MED12L: variants seen among roughly 807,000 people sequenced by gnomAD.
MED12L encodes mediator of RNA polymerase II transcription subunit 12-like protein.
In MED12L, 60 loss-of-function variants were observed where a neutral mutation model predicts 281.3. That is an observed-to-expected ratio of 0.21 (90% CI 0.17 to 0.26). The LOEUF is 0.26. MED12L is among the 10% of genes least tolerant of loss of function. The pLI, the probability that MED12L is intolerant of heterozygous loss-of-function variation, is 1.00. For synonymous variants in MED12L, 974 were observed against 987.2 expected (o/e 0.99, Z 0.25); for missense variants, 2,146 against 2,680.9 (o/e 0.80, Z 4.41).
At chr3:151,312,474 C>A (rs557357778) in intron 16 of MED12L, among the ~76,000 whole-genome samples, 2 of 152,048 alleles carry the variant, frequency 1.3e-5, no homozygotes, top group Non-Finnish European at 2.9e-5. Flanking sequence ...GGAGGCATTC[C>A]GAATCTTGAT....
At chr3:151,295,872 A>G (rs1048855752) in intron 16 of MED12L, among the ~76,000 whole-genome samples, 1 of 152,252 alleles carries the variant, frequency 6.6e-6, no homozygotes, top group African/African-American at 2.4e-5. Flanking sequence ...GGATACATAC[A>G]GATCTGACTT....
Position 151,395,256 on chromosome 3 carries a change from T to TA in MED12L, c.5820+390dup, listed in dbSNP as rs1391217739. On this transcript the variant is annotated intron_variant, in intron 39 of 44. Transcript: ENST00000687756. ...TGTGTTCATGTATTATTTTTAGACT[T>TA]ATTACTGTGAGGTTATGTCTCTGAA... Among the ~76,000 whole-genome samples the TA allele has an allele frequency of 4.6e-5, 7 of 152,182 alleles. No homozygotes were observed. The South Asian group carries it at 1.4e-3, about 31-fold the overall frequency.
At chr3:151,364,172 T>C (rs1560079723) in intron 21 of MED12L, among the ~76,000 whole-genome samples, 1 of 152,180 alleles carries the variant, frequency 6.6e-6, no homozygotes, top group South Asian at 2.1e-4. Context: ...TAAGTTTATA[T>C]AGAATCTGAG....
At chr3:151,153,717 C>T (rs1354565989) in intron 5 of MED12L, among the ~76,000 whole-genome samples, 1 of 151,744 alleles carries the variant, frequency 6.6e-6, no homozygotes, top group African/African-American at 2.4e-5. Context: ...TAAAGGCACC[C>T]ACTACCATGT....
chr3:151,335,660 G>A (rs1750883774), intron 16 of MED12L, among the ~76,000 whole-genome samples: 1 of 152,120 alleles, frequency 6.6e-6, no homozygotes, highest in African/African-American at 2.4e-5. Context: ...ATATTAATAT[G>A]CCAAAAGCTA....
At chr3:151,338,487 A>G (rs1017419525) in intron 16 of MED12L, 3 of 1,613,874 alleles carry the variant, frequency 1.9e-6, no homozygotes, top group Non-Finnish European at 1.7e-6. Flanking sequence ...GTAGCGATCG[A>G]TAGTTATCAG....
intron 16 of MED12L, among the ~76,000 whole-genome samples, chr3:151,331,522 G>A (rs1750353956): frequency 6.6e-6 from 1 of 152,186 alleles, no homozygotes; most frequent in Admixed American, 6.5e-5. Context: ...TTAGAATAAT[G>A]TCTGTCATGT....
intron 16 of MED12L, among the ~76,000 whole-genome samples, chr3:151,321,619 G>GT (rs1749009005): frequency 6.6e-6 from 1 of 152,106 alleles, no homozygotes; most frequent in African/African-American, 2.4e-5. Context: ...TTAAACTGAA[G>GT]TTCAAAAATA....
At chr3:151,358,464 G>A (rs1754205537) in intron 20 of MED12L, among the ~76,000 whole-genome samples, 1 of 152,094 alleles carries the variant, frequency 6.6e-6, no homozygotes, top group South Asian at 2.1e-4. Flanking sequence ...TTTCGAACTG[G>A]AAGCTTATTC....
intron 16 of MED12L, among the ~76,000 whole-genome samples, chr3:151,349,350 C>T (rs1752946839): frequency 6.6e-6 from 1 of 152,168 alleles, no homozygotes; most frequent in South Asian, 2.1e-4. Flanking sequence ...TTTGCATTTT[C>T]AGCTGTTTGC....
At chr3:151,168,475 G>A (rs1184903842) in intron 11 of MED12L, among the ~76,000 whole-genome samples, 1 of 152,142 alleles carries the variant, frequency 6.6e-6, no homozygotes, top group Non-Finnish European at 1.5e-5. Flanking sequence ...CCACCAGAGG[G>A]CGACATGTGC....
chr3:151,229,968 T>C (rs1731308663), intron 16 of MED12L, among the ~76,000 whole-genome samples: 2 of 152,054 alleles, frequency 1.3e-5, no homozygotes, highest in Admixed American at 1.3e-4. Flanking sequence ...TCTGTTTTTT[T>C]GTTTTTTGTT....
At chr3:151,321,354 G>T (rs1748973520) in intron 16 of MED12L, among the ~76,000 whole-genome samples, 1 of 152,052 alleles carries the variant, frequency 6.6e-6, no homozygotes. Flanking sequence ...GTCTCAGTAG[G>T]GTTACTGTGT....
In MED12L at chr3:151,258,381, C is replaced by A. The variant is rs138720696; in HGVS notation, c.2250+64715C>A. 9.3e-3 allele frequency among the ~76,000 whole-genome samples: 1,417 copies of A among 152,106 alleles called. 21 individuals are homozygous for A. Among genetic ancestry groups the A allele is most frequent in the African/African-American group, 0.032 (1,318 of 41,488 alleles). The stretch of plus-strand genomic sequence containing the variant: ...TCTAATGTGGTCATTGTGTATAAAC[C>A]AGGTGAAGAAAATTTTCTGTTATTT... On this transcript the variant is annotated intron_variant, in intron 16 of 44. Transcript: ENST00000687756.
At chr3:151,153,187 C>A (rs1166968887) in intron 5 of MED12L, among the ~76,000 whole-genome samples, 1 of 152,150 alleles carries the variant, frequency 6.6e-6, no homozygotes, top group African/African-American at 2.4e-5. Flanking sequence ...ACTGCATGAC[C>A]CCTGAAACCC....
intron 16 of MED12L, chr3:151,294,327 C>T: frequency 6.2e-7 from 1 of 1,614,130 alleles, no homozygotes; most frequent in Non-Finnish European, 8.5e-7. Flanking sequence ...TCCAGGCAAA[C>T]ATTACACGCA....
At chr3:151,407,740 A>G (rs1203961253) in intron 39 of MED12L, among the ~76,000 whole-genome samples, 2 of 152,184 alleles carry the variant, frequency 1.3e-5, no homozygotes, top group Non-Finnish European at 2.9e-5. Context: ...ATGATAGCCT[A>G]CTCTGAAAGT....
chr3:151,271,204 T>G (rs1740883751), intron 16 of MED12L, among the ~76,000 whole-genome samples: 1 of 152,130 alleles, frequency 6.6e-6, no homozygotes, highest in South Asian at 2.1e-4. Context: ...AAAAAAATGC[T>G]GAAAAGATGC....
chr3:151,128,017 CATT>C, intron 5 of MED12L, 33 bp downstream of exon 5: 1 of 1,576,934 alleles, frequency 6.3e-7, no homozygotes, highest in South Asian at 1.1e-5. Flanking sequence ...CCTTACATTT[CATT>C]ATTGATTTTG....
Sources: allele counts gnomAD v4.1 joint callset (sites outside exome capture counted in the v4.1 genomes callset), GRCh38; gene constraint gnomAD v4.1.1; transcripts MANE v1.5; gene names NCBI Gene and HGNC (gene_info 2026-07-23, HGNC 2026-07-21).